Variants in KAZN observed in about 807,000 individuals in gnomAD.
The protein encoded by KAZN is kazrin.
Under a neutral mutation model 87.4 loss-of-function variants are expected in KAZN, and 40 were observed. The observed-to-expected ratio is 0.46, with a 90% CI of 0.36 to 0.60. KAZN has a LOEUF of 0.60. Ranked by LOEUF, KAZN falls within the 20% of genes least tolerant of loss-of-function variation. The probability of loss-of-function intolerance (pLI) is 0.00; values close to 1 mark genes in which losing one functional copy is unlikely to be tolerated. For missense variants in KAZN, 898 were observed against 1,073.9 expected, an observed-to-expected ratio of 0.84 and a Z score of 2.29; for synonymous variants, 466 against 458.3, an observed-to-expected ratio of 1.02 and a Z score of -0.22.
intron 2 of KAZN, among the ~76,000 whole-genome samples, chr1:14,569,027 G>A (rs1483697886): frequency 6.6e-6 from 1 of 152,178 alleles, no homozygotes; most frequent in African/African-American, 2.4e-5. Context: ...GCTGAATGAA[G>A]GAGCTGAAAA....
intron 1 of KAZN, among the ~76,000 whole-genome samples, chr1:14,622,486 C>T (rs535747602): frequency 3.3e-5 from 5 of 151,874 alleles, no homozygotes; most frequent in Admixed American, 6.5e-5. Flanking sequence ...GTCAGGAGAT[C>T]GACACCATCC....
At position 13,989,868 on chromosome 1, in the gene KAZN, T is replaced by C. The variant is rs183700998; in HGVS notation, c.91+96112T>C. ...TGACTCAGACTTTGTGGTCATCTTG[T>C]CTTCCATCCTTGAAGAAGACCTGGC... On this transcript the variant is annotated intron_variant, in intron 1 of 16. Coordinates refer to the KAZN transcript ENST00000636203. 2.0e-5 allele frequency among the ~76,000 whole-genome samples: 3 copies of C among 152,310 alleles called. No homozygotes were observed. The East Asian group carries it at 5.8e-4, about 29-fold the overall frequency.
chr1:14,621,087 G>C (rs894803004), intron 1 of KAZN, among the ~76,000 whole-genome samples: 1 of 152,164 alleles, frequency 6.6e-6, no homozygotes, highest in Non-Finnish European at 1.5e-5. Context: ...CTTCCCAGGG[G>C]AGCTGCCAAG....
intron 1 of KAZN, among the ~76,000 whole-genome samples, chr1:13,975,121 C>T (rs1008489527): frequency 6.6e-6 from 1 of 152,094 alleles, no homozygotes; most frequent in Middle Eastern, 3.2e-3. Context: ...AGAGATTTTA[C>T]GTTGAGAGCC....
intron 2 of KAZN, among the ~76,000 whole-genome samples, chr1:15,001,353 T>C (rs1054446186): frequency 1.3e-5 from 2 of 150,712 alleles, no homozygotes; most frequent in Non-Finnish European, 1.5e-5. Flanking sequence ...CTCACATCTG[T>C]AATGCCAGGT....
chr1:14,631,777 C>T (rs1679587269), intron 1 of KAZN, among the ~76,000 whole-genome samples: 1 of 152,188 alleles, frequency 6.6e-6, no homozygotes, highest in Non-Finnish European at 1.5e-5. Context: ...CTGCTCCCCT[C>T]GTGTTGGCGA....
intron 2 of KAZN, among the ~76,000 whole-genome samples, chr1:14,370,798 C>T (rs1660416777): frequency 1.3e-5 from 2 of 152,206 alleles, no homozygotes; most frequent in Non-Finnish European, 2.9e-5. Flanking sequence ...GATCCTCTTA[C>T]CTCAGCCTTC....
At chr1:15,011,564 T>C (rs1408845355) in intron 2 of KAZN, among the ~76,000 whole-genome samples, 8 of 152,178 alleles carry the variant, frequency 5.3e-5, no homozygotes, top group African/African-American at 1.7e-4. Context: ...CATATTCTCA[T>C]GGCCTGTGTT....
chr1:14,851,284 G>A (rs562283226), intron 1 of KAZN, among the ~76,000 whole-genome samples: 1 of 152,256 alleles, frequency 6.6e-6, no homozygotes, highest in South Asian at 2.1e-4. Flanking sequence ...TGCCCAAGAC[G>A]CCGGCTGATG....
At chr1:15,095,071 G>A (rs1640746068) in intron 10 of KAZN, 138 bp downstream of exon 10, 2 of 648,076 alleles carry the variant, frequency 3.1e-6, no homozygotes, top group Non-Finnish European at 5.4e-6. Context: ...AGATGGTCCG[G>A]GGATGCCCCT....
chr1:14,338,751 T>C (rs914765723), intron 2 of KAZN, among the ~76,000 whole-genome samples: 5 of 152,318 alleles, frequency 3.3e-5, no homozygotes, highest in Non-Finnish European at 5.9e-5. Flanking sequence ...GTTGGTGTCA[T>C]TGAGCAAATT....
intron 1 of KAZN, among the ~76,000 whole-genome samples, chr1:14,689,820 T>A (rs1641178368): frequency 6.6e-6 from 1 of 152,158 alleles, no homozygotes; most frequent in Admixed American, 6.5e-5. Flanking sequence ...GACCCTCAGA[T>A]GGCAGGAGAC....
intron 1 of KAZN, among the ~76,000 whole-genome samples, chr1:14,644,303 C>T (rs1235824148): frequency 5.3e-5 from 8 of 151,528 alleles, no homozygotes; most frequent in South Asian, 2.1e-4. Flanking sequence ...TGAGCCACCA[C>T]GCCCGCCTGC....
At chr1:13,898,358 AC>A (rs894620101) in intron 1 of KAZN, among the ~76,000 whole-genome samples, 55 of 151,976 alleles carry the variant, frequency 3.6e-4, no homozygotes, top group Non-Finnish European at 7.4e-4. Flanking sequence ...TGGTTGGGTG[AC>A]CCCCAGCTTG....
rs146458602 is a variant in KAZN, at chr1:14,588,150, T to C, written c.250-10833T>C. Among the ~76,000 whole-genome samples the C allele has an allele frequency of 3.7e-3, 562 of 152,250 alleles. 5 individuals are homozygous for C. Among genetic ancestry groups the C allele is most frequent in the African/African-American group, 0.013 (541 of 41,538 alleles). On this transcript the variant is annotated intron_variant, in intron 2 of 16. Transcript: ENST00000636203. The stretch of plus-strand genomic sequence containing the variant: ...AGCTTCTTCCTCATAGGGTTGACAT[T>C]AAGTACTTAGCACCGGGTGTGGTGT...
At chr1:14,642,463 A>G (rs1680479893) in intron 1 of KAZN, among the ~76,000 whole-genome samples, 1 of 152,188 alleles carries the variant, frequency 6.6e-6, no homozygotes, top group Admixed American at 6.6e-5. Flanking sequence ...TTAACACGGC[A>G]TGTGCTCACT....
At chr1:14,720,198 C>T (rs1249382362) in intron 1 of KAZN, among the ~76,000 whole-genome samples, 1 of 152,212 alleles carries the variant, frequency 6.6e-6, no homozygotes, top group African/African-American at 2.4e-5. Context: ...TTGTGAATGC[C>T]ACCCTTAGCG....
intron 2 of KAZN, among the ~76,000 whole-genome samples, chr1:14,556,009 C>T (rs531529066): frequency 9.2e-5 from 14 of 152,154 alleles, no homozygotes; most frequent in African/African-American, 3.1e-4. Flanking sequence ...ACTCCCCATT[C>T]GGTGATATGT....
intron 1 of KAZN, among the ~76,000 whole-genome samples, chr1:14,842,982 C>T (rs1648199320): frequency 6.6e-6 from 1 of 152,144 alleles, no homozygotes; most frequent in African/African-American, 2.4e-5. Flanking sequence ...CAAGAAACAT[C>T]TCTTATAGAC....
Sources: allele counts gnomAD v4.1 joint callset (sites outside exome capture counted in the v4.1 genomes callset), GRCh38; gene constraint gnomAD v4.1.1; transcripts MANE v1.5; gene names NCBI Gene and HGNC (gene_info 2026-07-23, HGNC 2026-07-21).